Variants in ALKBH1 observed in about 807,000 individuals in gnomAD.
ALKBH1 encodes alkB homolog 1, histone H2A dioxygenase.
In ALKBH1, 31 loss-of-function variants were observed where a neutral mutation model predicts 36.6. The ratio of observed to expected loss-of-function variants is 0.85; its 90% confidence interval spans 0.64 to 1.14. The LOEUF is 1.14. ALKBH1 is among the 50% of genes most tolerant of loss of function. The pLI is 0.00. For synonymous variants in ALKBH1, 183 were observed against 186.6 expected (o/e 0.98, Z 0.16); for missense variants, 490 against 497.3 (o/e 0.99, Z 0.14).
At chr14:77,692,399 G>A (rs1170153304) in intron 3 of ALKBH1, among the ~76,000 whole-genome samples, 1 of 150,790 alleles carries the variant, frequency 6.6e-6, no homozygotes, top group Admixed American at 6.7e-5. Flanking sequence ...GAGTGGGGAT[G>A]GGGGGTGGTT....
At chr14:77,684,116 CT>C (rs2080254427) in intron 3 of ALKBH1, 1 of 152,292 alleles carries the variant, frequency 6.6e-6, no homozygotes, top group Non-Finnish European at 1.5e-5. Flanking sequence ...GTTTCTCAAA[CT>C]TTAGTGTACA....
intron 3 of ALKBH1, among the ~76,000 whole-genome samples, chr14:77,682,193 T>C (rs966981762): frequency 6.6e-6 from 1 of 152,208 alleles, no homozygotes; most frequent in African/African-American, 2.4e-5. Flanking sequence ...AACCACACAT[T>C]ATTTTTGTGC....
At chr14:77,692,648 C>T (rs1050515254) in intron 3 of ALKBH1, among the ~76,000 whole-genome samples, 4 of 151,952 alleles carry the variant, frequency 2.6e-5, no homozygotes, top group Admixed American at 6.6e-5. Context: ...ACCATCTGGC[C>T]CAAATCCACC....
intron 3 of ALKBH1, among the ~76,000 whole-genome samples, chr14:77,687,849 GAAGA>G (rs1008569547): frequency 5.9e-5 from 9 of 152,130 alleles, no homozygotes; most frequent in African/African-American, 1.7e-4. Flanking sequence ...GAAAAGAAGA[GAAGA>G]AAGAAAACCA....
In ALKBH1 at chr14:77,678,545, CA is replaced by C. The variant is rs35334986; in HGVS notation, c.546+1334del. On this transcript the variant is annotated intron_variant, in intron 4 of 5. Transcript: ENST00000216489. ...CCTAGGTGACAGTGTAAGACCATTA[CA>C]AAAAAAAAAAAAAAACAGACAAAGT... is the stretch of plus-strand genomic sequence containing the variant. 4.9e-3 allele frequency among the ~76,000 whole-genome samples: 578 copies of C among 118,326 alleles called. 1 individual carries two copies. The highest frequency in any genetic ancestry group is 9.4e-3 in the Middle Eastern group (2 of 212). 77.6% of individuals were successfully genotyped at this position (118,326 alleles called of 152,430 possible).
chr14:77,698,088 C>G (rs2139862034), intron 2 of ALKBH1, among the ~76,000 whole-genome samples: 1 of 152,258 alleles, frequency 6.6e-6, no homozygotes, highest in East Asian at 1.9e-4. Context: ...AAGTTAAACT[C>G]CTTTTTGTAA....
intron 2 of ALKBH1, among the ~76,000 whole-genome samples, chr14:77,699,338 C>T (rs1345978788): frequency 6.6e-6 from 1 of 152,172 alleles, no homozygotes; most frequent in Admixed American, 6.5e-5. Context: ...AACTACTTTT[C>T]CTCTTTTCTC....
intron 3 of ALKBH1, among the ~76,000 whole-genome samples, chr14:77,693,370 G>A (rs922235068): frequency 5.9e-5 from 9 of 152,084 alleles, no homozygotes; most frequent in African/African-American, 1.9e-4. Flanking sequence ...CTAATTATCT[G>A]TTTGTAGGTT....
At chr14:77,702,477 G>A (rs2080364777) in intron 2 of ALKBH1, among the ~76,000 whole-genome samples, 2 of 151,826 alleles carry the variant, frequency 1.3e-5, no homozygotes, top group African/African-American at 4.8e-5. Context: ...CGTATTAAGA[G>A]CTGTACCATA....
intron 2 of ALKBH1, among the ~76,000 whole-genome samples, chr14:77,700,310 T>C (rs894078771): frequency 6.6e-6 from 1 of 152,180 alleles, no homozygotes; most frequent in Non-Finnish European, 1.5e-5. Flanking sequence ...AAAAACTAGA[T>C]AGCTTAGAGA....
chr14:77,698,406 C>T (rs900862211), intron 2 of ALKBH1, among the ~76,000 whole-genome samples: 16 of 152,118 alleles, frequency 1.1e-4, no homozygotes, highest in African/African-American at 3.9e-4. Flanking sequence ...GTGTTGGGGG[C>T]ATTGAAGGCT....
chr14:77,703,596 T>G (rs2080371996), intron 2 of ALKBH1, among the ~76,000 whole-genome samples: 1 of 102,304 alleles, frequency 9.8e-6, no homozygotes, highest in African/African-American at 3.0e-5. Context: ...CGTCCAGCTT[T>G]TTTTTTTTTT....
intron 2 of ALKBH1, among the ~76,000 whole-genome samples, chr14:77,698,105 C>G (rs1185327803): frequency 6.6e-6 from 1 of 152,044 alleles, no homozygotes; most frequent in Non-Finnish European, 1.5e-5. Context: ...GTAAGACCAG[C>G]TATGAAAGAA....
chr14:77,707,787 C>T lies in ALKBH1; in HGVS notation c.183+35G>A. The T allele has an allele frequency of 1.9e-6, 3 of 1,560,764 alleles. No individual in the cohort carries two copies. The African/African-American group carries it at 4.1e-5, about 21-fold the overall frequency. ...AGTCCCTCCAAGACGCGGGGCAAAG[C>T]GATGGAGAGACGCGCGCCACTCCTC... On this transcript the variant is annotated intron_variant, in intron 1 of 5. Coordinates refer to ENST00000216489, the MANE Select transcript of ALKBH1 (RefSeq NM_006020.3).
In ALKBH1 at chr14:77,678,611, T is replaced by A. The variant is rs541308059; in HGVS notation, c.546+1269A>T. 2.6e-5 allele frequency among the ~76,000 whole-genome samples: 4 copies of A among 152,038 alleles called. No individual in the cohort carries two copies. In the East Asian group the frequency reaches 7.7e-4, roughly 29 times the overall value. On this transcript the variant is annotated intron_variant, in intron 4 of 5. Transcript: ENST00000216489. ...CAAAGAAAATGGTCTATACCAATAT[T>A]TTTTTTTCATTTTATTCTTATAATC...
At chr14:77,685,431 CG>C (rs2139850091) in intron 3 of ALKBH1, among the ~76,000 whole-genome samples, 1 of 43,846 alleles carries the variant, frequency 2.3e-5, no homozygotes, top group East Asian at 4.5e-4. Flanking sequence ...AGTGAGACTC[CG>C]TCTTAAAAAA....
rs868254024 is a variant in ALKBH1, at chr14:77,707,988, G to C, written c.17C>G (p.Ala6Gly). 6.2e-7 allele frequency: 1 copy of C among 1,609,570 alleles called. No homozygotes were observed. Residue 6 changes from alanine (A) to glycine (G), a missense_variant, in exon 1 of 6, where the codon GCG becomes GGG. Transcript: ENST00000216489. Reference sequence around the variant, plus strand: ...CAGAGTCGCCACAGAGCCCACGGCCGCTGCCATCTTCCCCATCTCGCGGCC... The same window carrying C: ...CAGAGTCGCCACAGAGCCCACGGCCCCTGCCATCTTCCCCATCTCGCGGCC... MGKMAAAVGSVATLAT... is the reference protein window; with the variant it reads MGKMAGAVGSVATLAT...
At chr14:77,682,835 T>C (rs1446338072) in intron 3 of ALKBH1, among the ~76,000 whole-genome samples, 1 of 152,206 alleles carries the variant, frequency 6.6e-6, no homozygotes, top group East Asian at 1.9e-4. Context: ...GTAGCTGTGA[T>C]TACAGAATGC....
intron 5 of ALKBH1, 111 bp downstream of exon 5, chr14:77,675,545 A>T: frequency 1.1e-6 from 1 of 888,948 alleles, no homozygotes; most frequent in Non-Finnish European, 1.6e-6. Context: ...AAGATTATAG[A>T]GTCCAACCAC....
Sources: gnomAD v4.1 joint callset for allele counts (sites outside exome capture counted in the v4.1 genomes callset) on GRCh38, gnomAD v4.1.1 for gene constraint, MANE v1.5 for transcripts, NCBI Gene and HGNC (gene_info 2026-07-23, HGNC 2026-07-21) for gene names.